CFAP20DC: variants seen among roughly 807,000 people sequenced by gnomAD.
CFAP20DC encodes the protein protein CFAP20DC.
Under a neutral mutation model 101.7 loss-of-function variants are expected in CFAP20DC, and 84 were observed. That is an observed-to-expected ratio of 0.83 (90% CI 0.69 to 0.99). CFAP20DC has a LOEUF of 0.99. Ranked by LOEUF, CFAP20DC falls within the 50% of genes least tolerant of loss-of-function variation. The pLI is 0.00. For missense variants in CFAP20DC, 1,007 were observed against 970.3 expected (o/e 1.04, Z -0.50); for synonymous variants, 359 against 351.2 (o/e 1.02, Z -0.25).
chr3:58,739,312 G>T (rs1201592659), downstream of CFAP20DC, among the ~76,000 whole-genome samples: 1 of 152,150 alleles, frequency 6.6e-6, no homozygotes, highest in Non-Finnish European at 1.5e-5. Context: ...AAAGTCACTT[G>T]TAAGTTGCAT....
rs1353623932 is a variant in CFAP20DC, at chr3:58,722,616, G to A, written c.198-4988C>T. Among the ~76,000 whole-genome samples the A allele has an allele frequency of 6.6e-6, 1 of 152,156 alleles. No homozygotes were observed. Among genetic ancestry groups the A allele is most frequent in the Non-Finnish European group, 1.5e-5 (1 of 68,028 alleles). On this transcript the variant is annotated intron_variant, in intron 3 of 3. Coordinates refer to the CFAP20DC transcript ENST00000486145. The surrounding 1 kb of genome is among the most constrained non-coding windows in gnomAD (Gnocchi z 4.5). ...TCGACGCAGGGTCAAGGCAAGACAG[G>A]GAATAAACAGGTCACTCCCACAGTT...
In CFAP20DC at chr3:59,001,620, A is replaced by C. The variant is rs565170372; in HGVS notation, c.278+37937T>G. Among the ~76,000 whole-genome samples, 1 of 152,308 alleles carries C rather than the reference A, an allele frequency of 6.6e-6. No homozygotes were observed. The highest frequency in any genetic ancestry group is 1.9e-4 in the East Asian group (1 of 5,180). On this transcript the variant is annotated intron_variant, in intron 4 of 16. Coordinates refer to ENST00000482387, the MANE Select transcript of CFAP20DC (RefSeq NM_001394063.1). This position sits in a 1 kb window ranked among gnomAD's most constrained non-coding sequence, Gnocchi z 4.5. Reference sequence around the variant, plus strand: ...GAGATGGGGTTTCTCCATGTTGGTCAGGTTGGTCTCGAACTCCCGACCTCA... The same window carrying C: ...GAGATGGGGTTTCTCCATGTTGGTCCGGTTGGTCTCGAACTCCCGACCTCA...
In CFAP20DC at chr3:58,729,145, CAGTT is replaced by C. The variant is rs546737744; in HGVS notation, c.198-11521_198-11518del. On this transcript the variant is annotated intron_variant, in intron 3 of 3. Coordinates refer to the CFAP20DC transcript ENST00000486145. The surrounding 1 kb of genome is among the most constrained non-coding windows in gnomAD (Gnocchi z 4.4). ...TGAGAGACCCCAAGCCAGAACCACTCAGTTAGAGCACTCCTGAATTTCTGACCTG... is the reference window on the plus strand; with the variant it reads ...TGAGAGACCCCAAGCCAGAACCACTCAGAGCACTCCTGAATTTCTGACCTG... Among the ~76,000 whole-genome samples the C allele has an allele frequency of 1.1e-3, 164 of 152,304 alleles. No homozygotes were observed. The highest frequency in any genetic ancestry group is 3.7e-3 in the African/African-American group (154 of 41,562).
At chr3:58,824,460 G>A (rs1250142218) in intron 14 of CFAP20DC, 1 of 152,090 alleles carries the variant, frequency 6.6e-6, no homozygotes, top group Non-Finnish European at 1.5e-5. Context: ...TAACTACCAC[G>A]GAGCACAAGC....
intron 4 of CFAP20DC, among the ~76,000 whole-genome samples, chr3:59,020,270 T>G (rs549758292): frequency 2.8e-4 from 43 of 151,578 alleles, no homozygotes; most frequent in Middle Eastern, 3.4e-3. Flanking sequence ...TTATTAAGAG[T>G]GTGGAGGGAT....
intron 4 of CFAP20DC, among the ~76,000 whole-genome samples, chr3:58,996,182 T>A (rs1382476098): frequency 1.3e-5 from 2 of 152,184 alleles, no homozygotes; most frequent in Admixed American, 6.5e-5. Flanking sequence ...ACAACAGGCA[T>A]AGTTTCCAAA....
intron 14 of CFAP20DC, among the ~76,000 whole-genome samples, chr3:58,809,344 T>C (rs555062071): frequency 3.3e-4 from 50 of 152,166 alleles, no homozygotes; most frequent in Non-Finnish European, 6.6e-4. Flanking sequence ...GAAATTATAA[T>C]AAATTGTCTC....
Position 58,884,600 on chromosome 3 carries a change from T to G in CFAP20DC, c.660A>C (p.Lys220Asn), listed in dbSNP as rs771422138. 1.4e-5 allele frequency: 23 copies of G among 1,613,926 alleles called. No individual in the cohort carries two copies. The highest frequency in any genetic ancestry group is 1.7e-5 in the Admixed American group (1 of 59,998). The change falls in exon 7 of 17, where the codon AAA becomes AAC. Residue 220 changes from lysine to asparagine, a missense_variant. By Grantham distance (94) the Lys-to-Asn change is moderately conservative. Transcript: ENST00000482387. The stretch of plus-strand genomic sequence containing the variant: ...CGAATTTTATTTCAGTTTGGCGAAG[T>G]TTAGTCATGTTTAGCAGCTGTGTGA... ...PHVTQLLNMT[K>N]LRQTEIKFGG...
Position 58,724,636 on chromosome 3 carries a change from G to A in CFAP20DC, c.198-7008C>T, listed in dbSNP as rs575484712. Reference sequence around the variant, plus strand: ...CTGCCACCCTTTCACTGTTTCGCCCGGAACATCTGCTTCTTAGATCTAAGT... The same window carrying A: ...CTGCCACCCTTTCACTGTTTCGCCCAGAACATCTGCTTCTTAGATCTAAGT... On this transcript the variant is annotated intron_variant, in intron 3 of 3. Transcript: ENST00000486145. The surrounding 1 kb of genome is among the most constrained non-coding windows in gnomAD (Gnocchi z 5.6). 1.1e-3 allele frequency among the ~76,000 whole-genome samples: 168 copies of A among 152,242 alleles called. No homozygotes were observed. Among genetic ancestry groups the A allele is most frequent in the African/African-American group, 3.9e-3 (160 of 41,534 alleles).
At chr3:58,794,070 T>C (rs1409569637) in intron 15 of CFAP20DC, 2 of 216,486 alleles carry the variant, frequency 9.2e-6, no homozygotes, top group Non-Finnish European at 2.0e-5. Context: ...AAGTACATTA[T>C]CTACAAATCG....
intron 13 of CFAP20DC, among the ~76,000 whole-genome samples, chr3:58,848,029 A>T (rs2077859300): frequency 1.0e-5 from 1 of 98,348 alleles, no homozygotes; most frequent in African/African-American, 4.0e-5. Context: ...GGGTGGGGGG[A>T]GGGGGGAGGG....
chr3:58,927,754 C>T (rs76371493), intron 5 of CFAP20DC, among the ~76,000 whole-genome samples: 1 of 152,164 alleles, frequency 6.6e-6, no homozygotes, highest in Non-Finnish European at 1.5e-5. Context: ...AATACCACAT[C>T]AACAACAGGA....
chr3:58,796,050 G>A (rs2073216435), intron 15 of CFAP20DC, among the ~76,000 whole-genome samples: 1 of 152,224 alleles, frequency 6.6e-6, no homozygotes, highest in Non-Finnish European at 1.5e-5. Context: ...TGGGGACCAA[G>A]ACATCTGTTG....
chr3:59,028,007 G>A (rs1241450571), intron 4 of CFAP20DC, among the ~76,000 whole-genome samples: 1 of 152,228 alleles, frequency 6.6e-6, no homozygotes, highest in African/African-American at 2.4e-5. Context: ...TAAAAAGCAA[G>A]TAGGTCTTTT....
chr3:58,772,133 G>A (rs1282936166), intron 15 of CFAP20DC, among the ~76,000 whole-genome samples: 1 of 152,170 alleles, frequency 6.6e-6, no homozygotes, highest in African/African-American at 2.4e-5. Context: ...TTCTGTGAGA[G>A]CGAGGATCTT....
At chr3:58,980,961 T>C (rs1302246411) in intron 4 of CFAP20DC, among the ~76,000 whole-genome samples, 8 of 152,096 alleles carry the variant, frequency 5.3e-5, no homozygotes, top group South Asian at 2.1e-4. Context: ...AAAACCCCAT[T>C]GTCTCAGCCC....
In CFAP20DC at chr3:58,924,713, T is replaced by C. The variant is rs1044848026; in HGVS notation, c.394-10849A>G. Among the ~76,000 whole-genome samples, 89 of 152,340 alleles carry C rather than the reference T, an allele frequency of 5.8e-4. 1 individual carries two copies. Among genetic ancestry groups the C allele is most frequent in the Admixed American group, 2.2e-3 (33 of 15,310 alleles). On this transcript the variant is annotated intron_variant, in intron 5 of 16. Coordinates refer to ENST00000482387, the MANE Select transcript of CFAP20DC (RefSeq NM_001394063.1). ...TACCAACAGTGTATAACCATTCTCA[T>C]TTCTCCATAACCTCACCAACATCTG...
At chr3:58,730,238 C>A (rs1366077216) in intron 3 of CFAP20DC, among the ~76,000 whole-genome samples, 2 of 152,036 alleles carry the variant, frequency 1.3e-5, no homozygotes, top group Admixed American at 1.3e-4. Context: ...AATGTTTTCA[C>A]CACAAAAATT....
rs925430388 is a variant in CFAP20DC at position 58,906,758 on chromosome 3, C to A, written c.550+6950G>T. Among the ~76,000 whole-genome samples, 2 of 152,014 alleles carry A rather than the reference C, an allele frequency of 1.3e-5. 1 individual carries two copies. Among genetic ancestry groups the A allele is most frequent in the Non-Finnish European group, 2.9e-5 (2 of 68,026 alleles). On this transcript the variant is annotated intron_variant, in intron 6 of 16. Transcript: ENST00000482387. ...CCTAGGGAACATAGTGATGCCCTGC[C>A]TCTACTCAAAATAGAAAAAAATTAG...
Sources: allele counts gnomAD v4.1 joint callset (sites outside exome capture counted in the v4.1 genomes callset), GRCh38; gene constraint gnomAD v4.1.1; non-coding constraint Gnocchi (gnomAD v3.1); transcripts MANE v1.5; gene names NCBI Gene and HGNC (gene_info 2026-07-23, HGNC 2026-07-21).